The following SCAF8 variants were observed in gnomAD, a reference collection of about 807,000 sequenced individuals.
SCAF8 encodes the protein SR-related CTD associated factor 8.
SCAF8 carries 23 observed loss-of-function variants against 140.5 expected under a neutral mutation model. The observed-to-expected ratio is 0.16, with a 90% CI of 0.12 to 0.23. SCAF8 has a LOEUF of 0.23. Ranked by LOEUF, SCAF8 falls within the 10% of genes least tolerant of loss-of-function variation. The pLI is 1.00. For synonymous variants in SCAF8, 575 were observed against 528.9 expected (o/e 1.09, Z -1.20); for missense variants, 1,397 against 1,555.7 (o/e 0.90, Z 1.72).
chr6:154,832,776 A>G lies in SCAF8; in HGVS notation c.3197A>G (p.Asp1066Gly). The change falls in exon 20 of 20, where the codon GAT becomes GGT. Residue 1066 changes from aspartate to glycine, a missense_variant. By Grantham distance (94) the Asp-to-Gly change is moderately conservative (BLOSUM62 -1). This residue lies in a region of SCAF8 where 930 missense variants were observed against 874.6 expected (regional missense o/e 1.06). Transcript: ENST00000367178. Reference protein sequence around the residue: ...GRDHFGRPPVDIRENLVRPGI... With the variant: ...GRDHFGRPPVGIRENLVRPGI... The stretch of plus-strand genomic sequence containing the variant: ...GATCATTTTGGAAGACCTCCTGTAG[A>G]TATAAGAGAGAATCTTGTGAGGCCA... 1.2e-6 allele frequency: 2 copies of G among 1,613,816 alleles called. No individual in the cohort carries two copies. Among genetic ancestry groups the G allele is most frequent in the Non-Finnish European group, 1.7e-6 (2 of 1,179,962 alleles).
chr6:154,751,191 C>T (rs181901233), intron 1 of SCAF8, among the ~76,000 whole-genome samples: 40 of 152,036 alleles, frequency 2.6e-4, no homozygotes, highest in Non-Finnish European at 2.2e-4. Flanking sequence ...ACTGGGTTCC[C>T]TGTTAACTGT....
intron 8 of SCAF8, among the ~76,000 whole-genome samples, chr6:154,804,735 C>T (rs1777865551): frequency 6.6e-6 from 1 of 152,120 alleles, no homozygotes. Context: ...TCTCACCATC[C>T]TGTTTGGCTC....
At chr6:154,755,512 A>G (rs762150572) in intron 1 of SCAF8, among the ~76,000 whole-genome samples, 9 of 152,118 alleles carry the variant, frequency 5.9e-5, no homozygotes, top group Non-Finnish European at 1.2e-4. Context: ...CGGCCTCCCA[A>G]AGTGCTGGGA....
chr6:154,783,901 C>G (rs1220514327), intron 3 of SCAF8, among the ~76,000 whole-genome samples: 8 of 151,568 alleles, frequency 5.3e-5, no homozygotes, highest in African/African-American at 1.9e-4. Flanking sequence ...GAAATCCCGT[C>G]TCTACTAATA....
chr6:154,739,677 T>C (rs1486913928), intron 1 of SCAF8, among the ~76,000 whole-genome samples: 2 of 152,222 alleles, frequency 1.3e-5, no homozygotes, highest in Non-Finnish European at 2.9e-5. Flanking sequence ...TTGGATAGAT[T>C]AATCTTTAAA....
At chr6:154,749,167 C>G (rs188515774) in intron 1 of SCAF8, among the ~76,000 whole-genome samples, 36 of 152,306 alleles carry the variant, frequency 2.4e-4, no homozygotes, top group African/African-American at 8.2e-4. Flanking sequence ...GTCTCGAACT[C>G]CCGACCTCGG....
chr6:154,780,959 C>T lies in SCAF8; in HGVS notation c.159+2914C>T, dbSNP rs574980827. ...TGAGGAATTGCCACACTGTCTTCCA[C>T]AATGGTTTAACTAATTTACATTCCC... On this transcript the variant is annotated intron_variant, in intron 3 of 19. Transcript: ENST00000367178. Among the ~76,000 whole-genome samples, 17 of 152,232 alleles carry T rather than the reference C, an allele frequency of 1.1e-4. No individual in the cohort carries two copies. In the South Asian group the frequency reaches 3.5e-3, roughly 32 times the overall value.
At chr6:154,751,452 T>C (rs948416817) in intron 1 of SCAF8, among the ~76,000 whole-genome samples, 2 of 152,044 alleles carry the variant, frequency 1.3e-5, no homozygotes, top group South Asian at 4.1e-4. Context: ...GGTCTCGAAC[T>C]CCCTACCTCA....
chr6:154,784,449 CT>C (rs1322027324), intron 3 of SCAF8, among the ~76,000 whole-genome samples: 1 of 152,056 alleles, frequency 6.6e-6, no homozygotes, highest in Non-Finnish European at 1.5e-5. Flanking sequence ...ACTTTTGCCT[CT>C]TGCTTTATTT....
chr6:154,740,621 TTTTC>T (rs1248582996), intron 1 of SCAF8, among the ~76,000 whole-genome samples: 248 of 106,406 alleles, frequency 2.3e-3, no homozygotes, highest in Middle Eastern at 4.6e-3. Context: ...TTCTTTTTCT[TTTTC>T]TTTTTTTTTT....
chr6:154,808,496 T>TGTTA (rs1777990988), intron 10 of SCAF8, among the ~76,000 whole-genome samples, 190 bp from the exon 11 acceptor site: 2 of 151,976 alleles, frequency 1.3e-5, no homozygotes, highest in Admixed American at 6.6e-5. Context: ...CTGTCATTAG[T>TGTTA]GTTAGTATAT....
intron 11 of SCAF8, 101 bp downstream of exon 11, chr6:154,808,899 A>T: frequency 1.3e-6 from 1 of 771,926 alleles, no homozygotes; most frequent in Non-Finnish European, 2.1e-6. Flanking sequence ...GGGATGACAT[A>T]TTTTTTCTCA....
chr6:154,795,042 T>C lies in SCAF8; in HGVS notation c.509T>C (p.Val170Ala). The stretch of plus-strand genomic sequence containing the variant: ...GTGACACCTGTTACTCCGGCCAATG[T>C]GGTCCAAGGCTTACCTGATCCGTGG... ...TPVTPVTPANVVQGLPDPWVS... is the reference protein window; with the variant it reads ...TPVTPVTPANAVQGLPDPWVS... Residue 170 changes from valine to alanine, a missense_variant, in exon 6 of 20, where the codon GTG (valine) becomes GCG (alanine). By Grantham distance (64) the Val-to-Ala change is moderately conservative. This residue lies in a region of SCAF8 where 339 missense variants were observed against 407.5 expected (regional missense o/e 0.83). Coordinates refer to ENST00000367178, the MANE Select transcript of SCAF8 (RefSeq NM_014892.5). 2.5e-6 allele frequency: 4 copies of C among 1,610,966 alleles called. No individual in the cohort carries two copies. Among genetic ancestry groups the C allele is most frequent in the Non-Finnish European group, 2.5e-6 (3 of 1,178,902 alleles).
At chr6:154,775,962 A>G (rs1776905170) in intron 2 of SCAF8, among the ~76,000 whole-genome samples, 1 of 152,134 alleles carries the variant, frequency 6.6e-6, no homozygotes, top group Admixed American at 6.5e-5. Flanking sequence ...ATTCATAGTA[A>G]CACTTAATCC....
Position 154,832,880 on chromosome 6 carries a change from G to C in SCAF8, c.3301G>C (p.Glu1101Gln). ...KPWGHRGDFD[E>Q]REHRVLPVYG... ...CTGGGGGCATAGAGGAGATTTTGAT[G>C]AGAGAGAGCATCGGGTTCTACCGGT... is the stretch of plus-strand genomic sequence containing the variant. Residue 1101 changes from glutamate (E) to glutamine (Q), a missense_variant, in exon 20 of 20, where the codon GAG (glutamate) becomes CAG (glutamine). Physicochemically the swap from Glu to Gln is conservative, Grantham distance 29. This residue lies in a region of SCAF8 where 930 missense variants were observed against 874.6 expected (regional missense o/e 1.06). Coordinates refer to ENST00000367178, the MANE Select transcript of SCAF8 (RefSeq NM_014892.5). The C allele has an allele frequency of 6.2e-7, 1 of 1,614,074 alleles. No homozygotes were observed. Among genetic ancestry groups the C allele is most frequent in the South Asian group, 1.1e-5 (1 of 91,062 alleles).
rs1778444842 is a variant in SCAF8, at chr6:154,822,390, C to T, written c.1907C>T (p.Pro636Leu). Reference protein sequence around the residue: ...VVTTQAEVFPPPVAMLQIPVA... With the variant: ...VVTTQAEVFPLPVAMLQIPVA... ...ACAACCCAGGCAGAGGTTTTCCCTCCTCCTGTTGCTATGTTGCAGGTTAGT... is the reference window on the plus strand; with the variant it reads ...ACAACCCAGGCAGAGGTTTTCCCTCTTCCTGTTGCTATGTTGCAGGTTAGT... The change falls in exon 16 of 20, where the codon CCT becomes CTT. Residue 636 changes from proline to leucine, a missense_variant. Around this residue, in one of 5 missense-constraint regions of SCAF8, gnomAD observed 930 missense variants for 874.6 expected, o/e 1.06. Coordinates refer to ENST00000367178, the MANE Select transcript of SCAF8 (RefSeq NM_014892.5). 3.1e-6 allele frequency: 5 copies of T among 1,612,202 alleles called. No homozygotes were observed. The highest frequency in any genetic ancestry group is 4.2e-6 in the Non-Finnish European group (5 of 1,179,250).
At chr6:154,742,558 A>C (rs1220313164) in intron 1 of SCAF8, among the ~76,000 whole-genome samples, 1 of 152,178 alleles carries the variant, frequency 6.6e-6, no homozygotes, top group African/African-American at 2.4e-5. Flanking sequence ...ATTCTGTCTC[A>C]TATTTGATGG....
chr6:154,805,344 T>C (rs1583051648), intron 8 of SCAF8, 25 bp from the exon 9 acceptor site: 1 of 1,347,460 alleles, frequency 7.4e-7, no homozygotes, highest in Non-Finnish European at 1.1e-6. Context: ...TTTTAAAATA[T>C]GTTTCCACCT....
In SCAF8 at chr6:154,733,525, G is replaced by C; in HGVS notation, c.-376G>C. The C allele has an allele frequency of 7.6e-7, 1 of 1,310,294 alleles. No homozygotes were observed. The highest frequency in any genetic ancestry group is 9.7e-7 in the Non-Finnish European group (1 of 1,029,814). The allele number at this position is 1,310,294 out of a possible 1,614,324, so 81.2% of individuals were successfully genotyped here. On this transcript the variant is annotated 5_prime_UTR_variant, in exon 1 of 20. Transcript: ENST00000367178. ...GGAGGTGAAACAGGAGCCCGTCGGA[G>C]GAAGGGGCAGAAGGGAGTGGAGAGT...
Sources: gnomAD v4.1 joint callset for allele counts (sites outside exome capture counted in the v4.1 genomes callset) on GRCh38, gnomAD v4.1.1 for gene constraint, gnomAD v4.1.1 regional missense constraint, MANE v1.5 for transcripts, NCBI Gene and HGNC (gene_info 2026-07-23, HGNC 2026-07-21) for gene names.